The following POU6F2 variants were observed in gnomAD, a reference collection of about 807,000 sequenced individuals.
The protein encoded by POU6F2 is POU class 6 homeobox 2.
In POU6F2, 31 loss-of-function variants were observed where a neutral mutation model predicts 71.3. The observed-to-expected ratio is 0.43, with a 90% CI of 0.33 to 0.59. The LOEUF is 0.59. Among genes scored for constraint, POU6F2 ranks in the 20% least tolerant of loss-of-function variants. POU6F2 has a pLI of 0.04. For missense variants in POU6F2, 783 were observed against 856.8 expected, an observed-to-expected ratio of 0.91 and a Z score of 1.07; for synonymous variants, 347 against 355.7, an observed-to-expected ratio of 0.98 and a Z score of 0.27.
At chr7:39,263,717 A>C (rs113089125) in intron 4 of POU6F2, among the ~76,000 whole-genome samples, 1 of 152,064 alleles carries the variant, frequency 6.6e-6, no homozygotes, top group South Asian at 2.1e-4. Context: ...CATCTTTCTA[A>C]TTACCCTTAT....
intron 1 of POU6F2, among the ~76,000 whole-genome samples, chr7:39,056,676 G>GTA (rs754629269): frequency 5.8e-5 from 7 of 120,430 alleles, no homozygotes; most frequent in African/African-American, 2.1e-4. Context: ...GTGTGTGTGT[G>GTA]TATGTGTGTG....
chr7:39,012,257 G>T (rs964278383), intron 1 of POU6F2, among the ~76,000 whole-genome samples: 2 of 151,776 alleles, frequency 1.3e-5, no homozygotes, highest in South Asian at 4.2e-4. Flanking sequence ...TTCTCTTCTC[G>T]CTTCATTTCA....
chr7:39,276,632 G>A (rs1000451495), intron 4 of POU6F2, among the ~76,000 whole-genome samples: 12 of 151,796 alleles, frequency 7.9e-5, no homozygotes, highest in Admixed American at 6.6e-4. Context: ...ATTCACAATA[G>A]CAAAGACTTG....
At chr7:39,113,834 G>A (rs1198848391) in intron 2 of POU6F2, among the ~76,000 whole-genome samples, 1 of 152,144 alleles carries the variant, frequency 6.6e-6, no homozygotes, top group Non-Finnish European at 1.5e-5. Flanking sequence ...TTCCAACATG[G>A]TGCATTGCTC....
intron 4 of POU6F2, among the ~76,000 whole-genome samples, chr7:39,237,592 A>T (rs1029924924): frequency 6.6e-6 from 1 of 152,146 alleles, no homozygotes; most frequent in Non-Finnish European, 1.5e-5. Flanking sequence ...GGACACTTGT[A>T]GAAAGGTGTC....
At chr7:39,179,153 G>A (rs771581094) in intron 2 of POU6F2, among the ~76,000 whole-genome samples, 1 of 152,164 alleles carries the variant, frequency 6.6e-6, no homozygotes, top group Admixed American at 6.5e-5. Flanking sequence ...TAAAGTCACT[G>A]CTACTATATC....
chr7:39,048,977 T>C (rs1457665919), intron 1 of POU6F2, among the ~76,000 whole-genome samples: 1 of 152,052 alleles, frequency 6.6e-6, no homozygotes, highest in African/African-American at 2.4e-5. Flanking sequence ...ATCTAATTTG[T>C]CAAATTTTGG....
At chr7:39,285,336 T>A (rs920252064) in intron 4 of POU6F2, among the ~76,000 whole-genome samples, 1 of 152,186 alleles carries the variant, frequency 6.6e-6, no homozygotes. Flanking sequence ...TTTTCAAGAC[T>A]GCCCATAAAA....
At chr7:39,462,257 ATGTCTGATGCCTT>A (rs1442113222) in intron 9 of POU6F2, among the ~76,000 whole-genome samples, 3 of 152,194 alleles carry the variant, frequency 2.0e-5, no homozygotes, top group African/African-American at 7.2e-5. Context: ...ATAATAGAAC[ATGTCTGATGCCTT>A]GACTTTTGGG....
chr7:39,265,468 ACTTTT>A (rs1252015262), intron 4 of POU6F2, among the ~76,000 whole-genome samples: 2 of 152,224 alleles, frequency 1.3e-5, no homozygotes, highest in Non-Finnish European at 2.9e-5. Flanking sequence ...GAAAGTATGT[ACTTTT>A]CTTAATACAT....
In POU6F2 at chr7:39,018,402, G is replaced by C. The variant is rs150727990; in HGVS notation, c.105+40344G>C. Reference sequence around the variant, plus strand: ...GAAGATTGGTTGTGCCGGAAGCCATGACCTGAACTTATTTGGTGACAAAAC... The same window carrying C: ...GAAGATTGGTTGTGCCGGAAGCCATCACCTGAACTTATTTGGTGACAAAAC... On this transcript the variant is annotated intron_variant, in intron 1 of 9. Transcript: ENST00000518318. 1.1e-3 allele frequency among the ~76,000 whole-genome samples: 167 copies of C among 152,182 alleles called. 1 individual carries two copies. The highest frequency in any genetic ancestry group is 2.1e-3 in the Non-Finnish European group (140 of 68,006).
intron 4 of POU6F2, among the ~76,000 whole-genome samples, chr7:39,294,906 A>G (rs1784819412): frequency 6.6e-6 from 1 of 152,208 alleles, no homozygotes; most frequent in Admixed American, 6.5e-5. Flanking sequence ...TTTCAGAGTC[A>G]GGCCTGGGAC....
chr7:39,058,424 G>T (rs1231015040), intron 1 of POU6F2, among the ~76,000 whole-genome samples: 1 of 152,162 alleles, frequency 6.6e-6, no homozygotes, highest in Non-Finnish European at 1.5e-5. Context: ...TCAGTCTCCT[G>T]CACAGTGCAG....
intron 7 of POU6F2, among the ~76,000 whole-genome samples, chr7:39,448,796 T>C (rs79118480): frequency 0.016 from 2,416 of 152,300 alleles, 52 homozygotes; most frequent in East Asian, 0.061. Context: ...GACAATCTAA[T>C]GATTCAGTTA....
At chr7:39,307,065 C>G (rs1785060939) in intron 4 of POU6F2, among the ~76,000 whole-genome samples, 1 of 152,222 alleles carries the variant, frequency 6.6e-6, no homozygotes, top group Non-Finnish European at 1.5e-5. Flanking sequence ...AAGAGACCCA[C>G]CAAATGATGG....
intron 1 of POU6F2, among the ~76,000 whole-genome samples, chr7:38,988,840 C>T (rs1355064553): frequency 6.6e-6 from 1 of 152,146 alleles, no homozygotes; most frequent in African/African-American, 2.4e-5. Context: ...CAAAATCACA[C>T]AATTGAAACA....
chr7:39,293,908 C>T (rs1347574936), intron 4 of POU6F2, among the ~76,000 whole-genome samples: 1 of 152,118 alleles, frequency 6.6e-6, no homozygotes, highest in Non-Finnish European at 1.5e-5. Context: ...CCTGAGTGAT[C>T]AGCGAAGACT....
At chr7:39,063,702 A>G (rs1790702349) in intron 1 of POU6F2, among the ~76,000 whole-genome samples, 1 of 152,126 alleles carries the variant, frequency 6.6e-6, no homozygotes, top group South Asian at 2.1e-4. Flanking sequence ...AAAGAGACCC[A>G]CCCTAGAGAT....
At chr7:39,140,514 G>T (rs528493219) in intron 2 of POU6F2, among the ~76,000 whole-genome samples, 2 of 152,312 alleles carry the variant, frequency 1.3e-5, no homozygotes, top group South Asian at 2.1e-4. Context: ...TCCTCTTTCA[G>T]TTTCTGGTGG....
Sources: gnomAD v4.1 joint callset for allele counts (sites outside exome capture counted in the v4.1 genomes callset) on GRCh38, gnomAD v4.1.1 for gene constraint, MANE v1.5 for transcripts, NCBI Gene and HGNC (gene_info 2026-07-23, HGNC 2026-07-21) for gene names.